The following TLL2 variants were observed in gnomAD, a reference collection of about 807,000 sequenced individuals.
TLL2 encodes the protein tolloid-like protein 2.
Under a neutral mutation model 123.0 loss-of-function variants are expected in TLL2, and 106 were observed. The observed-to-expected ratio is 0.86, with a 90% confidence interval of 0.74 to 1.01. The LOEUF is 1.01. Among genes scored for constraint, TLL2 ranks in the 50% least tolerant of loss-of-function variants. The probability of loss-of-function intolerance (pLI) is 0.00; values close to 1 mark genes in which losing one functional copy is unlikely to be tolerated. For synonymous variants in TLL2, 494 were observed against 516.8 expected, an observed-to-expected ratio of 0.96 and a Z score of 0.60; for missense variants, 1,332 against 1,336.7, an observed-to-expected ratio of 1.00 and a Z score of 0.06.
At chr10:96,454,418 T>C (rs996220744) in intron 2 of TLL2, among the ~76,000 whole-genome samples, 77 of 152,202 alleles carry the variant, frequency 5.1e-4, no homozygotes, top group African/African-American at 1.8e-3. Flanking sequence ...CAGCCAGAAG[T>C]CCATTTTGCT....
chr10:96,488,354 G>T (rs10882800), intron 1 of TLL2, among the ~76,000 whole-genome samples: 15,158 of 152,254 alleles, frequency 0.1, 821 homozygotes, highest in Non-Finnish European at 0.12. Context: ...GGCATGGCCT[G>T]GCCCTTCCGC....
Position 96,500,834 on chromosome 10 carries a change from A to T in TLL2, c.175+12677T>A, listed in dbSNP as rs899628375. Reference sequence around the variant, plus strand: ...GGAGGGAGGGAGGGGAGAGATTGAGAAAAAAATCTGTATGTCCAACAATAG... The same window carrying T: ...GGAGGGAGGGAGGGGAGAGATTGAGTAAAAAATCTGTATGTCCAACAATAG... On this transcript the variant is annotated intron_variant, in intron 1 of 20. Coordinates refer to ENST00000357947, the MANE Select transcript of TLL2 (RefSeq NM_012465.4). Among the ~76,000 whole-genome samples, 3 of 125,928 alleles carry T rather than the reference A, an allele frequency of 2.4e-5. No homozygotes were observed. In the South Asian group the frequency reaches 7.4e-4, roughly 31 times the overall value. The allele number at this position is 125,928 out of a possible 152,430, so 82.6% of individuals were successfully genotyped here.
At chr10:96,410,333 A>G (rs1480607715) in intron 9 of TLL2, 26 bp downstream of exon 9, 5 of 1,584,112 alleles carry the variant, frequency 3.2e-6, no homozygotes, top group East Asian at 2.2e-5. Context: ...GTGCCGTCCC[A>G]TTTGCCAAGG....
At chr10:96,383,403 T>G (rs1315403359) in intron 16 of TLL2, among the ~76,000 whole-genome samples, 1 of 152,114 alleles carries the variant, frequency 6.6e-6, no homozygotes, top group Non-Finnish European at 1.5e-5. Flanking sequence ...TGGGAGAGAA[T>G]TGAATCATGG....
At position 96,432,915 on chromosome 10, in the gene TLL2, C is replaced by T; in HGVS notation, c.412G>A (p.Ala138Thr). Reference protein sequence around the residue: ...TLLHSPGTLHAAAKTFSPRVR... With the variant: ...TLLHSPGTLHTAAKTFSPRVR... ...CGGGGAGAGAAGGTCTTGGCTGCGG[C>T]ATGCAAGGTCCCAGGGCTGTGCAGG... is the stretch of plus-strand genomic sequence containing the variant. The change falls in exon 4 of 21, where the codon GCC becomes ACC. Residue 138 changes from alanine (A) to threonine (T), a missense_variant. Transcript: ENST00000357947. 1.2e-6 allele frequency: 2 copies of T among 1,614,132 alleles called. No individual in the cohort carries two copies. Among genetic ancestry groups the T allele is most frequent in the Non-Finnish European group, 1.7e-6 (2 of 1,180,016 alleles).
At chr10:96,431,697 G>T (rs1357389195) in intron 4 of TLL2, among the ~76,000 whole-genome samples, 2 of 152,156 alleles carry the variant, frequency 1.3e-5, no homozygotes, top group Non-Finnish European at 2.9e-5. Flanking sequence ...CTTAGACAGA[G>T]ACAAAAATAA....
intron 3 of TLL2, among the ~76,000 whole-genome samples, chr10:96,445,831 G>C (rs1161159174): frequency 1.3e-5 from 2 of 152,162 alleles, no homozygotes; most frequent in African/African-American, 2.4e-5. Context: ...CAGTGAGATA[G>C]GAAAAGATTC....
chr10:96,509,704 T>C (rs1247038339), intron 1 of TLL2, among the ~76,000 whole-genome samples: 2 of 152,190 alleles, frequency 1.3e-5, no homozygotes, highest in African/African-American at 4.8e-5. Context: ...TCCCAGCACT[T>C]TGGGAGGCCG....
At chr10:96,474,640 G>A (rs1847219375) in intron 2 of TLL2, among the ~76,000 whole-genome samples, 1 of 152,240 alleles carries the variant, frequency 6.6e-6, no homozygotes, top group African/African-American at 2.4e-5. Context: ...AGGGCCTTAA[G>A]AGTCCGACCA....
intron 10 of TLL2, among the ~76,000 whole-genome samples, chr10:96,398,314 G>A (rs1846359801): frequency 6.6e-6 from 1 of 152,298 alleles, no homozygotes; most frequent in Non-Finnish European, 1.5e-5. Context: ...TCTGGATAGA[G>A]GACTCATTGG....
intron 10 of TLL2, among the ~76,000 whole-genome samples, chr10:96,400,406 G>C (rs2134065150): frequency 6.7e-6 from 1 of 149,142 alleles, no homozygotes; most frequent in African/African-American, 2.5e-5. Context: ...CTGAGGCACA[G>C]TTCTGAACAT....
chr10:96,422,588 C>G lies in TLL2; in HGVS notation c.778G>C (p.Asp260His). The G allele has an allele frequency of 1.9e-6, 3 of 1,614,182 alleles. No individual in the cohort carries two copies. Among genetic ancestry groups the G allele is most frequent in the Non-Finnish European group, 2.5e-6 (3 of 1,180,030 alleles). The change falls in exon 6 of 21, where the codon GAC (aspartate) becomes CAC (histidine). Residue 260 changes from aspartate to histidine, a missense_variant. Transcript: ENST00000357947. ...TCCCTGATGATGGTGACATGTTGGT[C>G]TCTGTCTGGCCGGGTGTGTTCATGC... Reference protein sequence around the residue: ...FWHEHTRPDRDQHVTIIRENI... With the variant: ...FWHEHTRPDRHQHVTIIRENI...
At chr10:96,401,503 TAC>T (rs60660163) in intron 10 of TLL2, among the ~76,000 whole-genome samples, 82,936 of 147,658 alleles carry the variant, frequency 0.56, 23,952 homozygotes, top group East Asian at 0.84. Flanking sequence ...GCTGGCACTC[TAC>T]ACACACACAC....
At chr10:96,499,451 T>C (rs1847510252) in intron 1 of TLL2, among the ~76,000 whole-genome samples, 1 of 152,228 alleles carries the variant, frequency 6.6e-6, no homozygotes, top group South Asian at 2.1e-4. Flanking sequence ...TTTTCCTAGT[T>C]GATAATTATA....
At chr10:96,433,845 G>A (rs1323745751) in intron 3 of TLL2, among the ~76,000 whole-genome samples, 1 of 152,008 alleles carries the variant, frequency 6.6e-6, no homozygotes, top group African/African-American at 2.4e-5. Context: ...GCGCAATCTC[G>A]GCTCACTGCA....
intron 1 of TLL2, among the ~76,000 whole-genome samples, chr10:96,509,228 C>T (rs1423265722): frequency 6.6e-6 from 1 of 152,170 alleles, no homozygotes; most frequent in African/African-American, 2.4e-5. Context: ...GAGGCTTAGC[C>T]ATCATGGAAC....
In TLL2 at chr10:96,418,837, A is replaced by G. The variant is rs966234839; in HGVS notation, c.923+2119T>C. 1.1e-3 allele frequency among the ~76,000 whole-genome samples: 169 copies of G among 148,462 alleles called. 2 individuals are homozygous for G. The highest frequency in any genetic ancestry group is 3.9e-3 in the African/African-American group (159 of 40,954). On this transcript the variant is annotated intron_variant, in intron 7 of 20. Transcript: ENST00000357947. ...ATGAATATATAAATTGAATATATAA[A>G]TTAATATGAATATATAAATTAATAA...
At chr10:96,457,699 G>A (rs1376168001) in intron 2 of TLL2, among the ~76,000 whole-genome samples, 1 of 152,162 alleles carries the variant, frequency 6.6e-6, no homozygotes, top group African/African-American at 2.4e-5. Flanking sequence ...TGCTTGGGGG[G>A]TAGGATGGGG....
intron 18 of TLL2, 53 bp downstream of exon 18, chr10:96,376,639 C>T: frequency 1.3e-6 from 2 of 1,590,948 alleles, no homozygotes; most frequent in Non-Finnish European, 1.7e-6. Flanking sequence ...CTCAAACGCA[C>T]ATCTGCCTGA....
Sources: allele counts gnomAD v4.1 joint callset (sites outside exome capture counted in the v4.1 genomes callset), GRCh38; gene constraint gnomAD v4.1.1; transcripts MANE v1.5; gene names NCBI Gene and HGNC (gene_info 2026-07-23, HGNC 2026-07-21).